Variants in KCNH1 observed in about 807,000 individuals in gnomAD.
KCNH1 encodes the protein voltage-gated delayed rectifier potassium channel KCNH1.
In KCNH1, 27 loss-of-function variants were observed where a neutral mutation model predicts 69.2. The observed-to-expected ratio is 0.39, with a 90% CI of 0.29 to 0.54. The LOEUF (loss-of-function observed/expected upper bound fraction) is 0.54, where lower values mean the gene tolerates loss of function less well. Ranked by LOEUF, KCNH1 falls within the 20% of genes least tolerant of loss-of-function variation. KCNH1 has a pLI of 0.68. For missense variants in KCNH1, 798 were observed against 1,261.6 expected (o/e 0.63, Z 5.57); for synonymous variants, 456 against 487.7 (o/e 0.93, Z 0.86).
chr1:210,998,464 A>C (rs928921223), intron 6 of KCNH1, among the ~76,000 whole-genome samples: 1 of 152,240 alleles, frequency 6.6e-6, no homozygotes, highest in Admixed American at 6.5e-5. Context: ...AGAGCTAACT[A>C]TCCTAAATAT....
chr1:211,055,589 A>C (rs573670849), intron 5 of KCNH1, among the ~76,000 whole-genome samples: 3 of 152,178 alleles, frequency 2.0e-5, no homozygotes, highest in Non-Finnish European at 4.4e-5. Flanking sequence ...TGGGATGGCC[A>C]AGGAAGTGCT....
intron 10 of KCNH1, among the ~76,000 whole-genome samples, chr1:210,746,366 C>T (rs1203495097): frequency 6.6e-6 from 1 of 152,058 alleles, no homozygotes; most frequent in Admixed American, 6.6e-5. Flanking sequence ...GAAATAGAGG[C>T]TCTGGAGGTG....
At chr1:210,940,195 C>T (rs914371890) in intron 6 of KCNH1, among the ~76,000 whole-genome samples, 9 of 152,170 alleles carry the variant, frequency 5.9e-5, no homozygotes, top group Non-Finnish European at 7.3e-5. Context: ...TAATTCAATT[C>T]GGCAATCATT....
At chr1:210,838,417 T>G (rs1685332434) in intron 7 of KCNH1, among the ~76,000 whole-genome samples, 2 of 151,964 alleles carry the variant, frequency 1.3e-5, no homozygotes, top group Admixed American at 1.3e-4. Flanking sequence ...AAAAATCAAC[T>G]AAAGATGGAT....
chr1:211,002,336 G>GTATATATATA (rs751450327), intron 6 of KCNH1, among the ~76,000 whole-genome samples: 1 of 141,420 alleles, frequency 7.1e-6, no homozygotes, highest in Non-Finnish European at 1.6e-5. Context: ...ATGTGTGTGT[G>GTATATATATA]TGTATATATA....
chr1:211,010,482 T>G (rs970243353), intron 6 of KCNH1, among the ~76,000 whole-genome samples: 1 of 152,200 alleles, frequency 6.6e-6, no homozygotes, highest in African/African-American at 2.4e-5. Flanking sequence ...CTTGGCCTTC[T>G]TCCCTCCCCC....
At chr1:211,085,604 AG>A (rs1196225263) in intron 4 of KCNH1, among the ~76,000 whole-genome samples, 1 of 152,198 alleles carries the variant, frequency 6.6e-6, no homozygotes, top group Non-Finnish European at 1.5e-5. Flanking sequence ...GGGCAGCTAC[AG>A]AGTCAGGACT....
intron 8 of KCNH1, among the ~76,000 whole-genome samples, chr1:210,799,461 G>C (rs1684386984): frequency 1.3e-5 from 2 of 152,114 alleles, no homozygotes; most frequent in Non-Finnish European, 2.9e-5. Context: ...ACTGTAGGAG[G>C]CTATGCAGAT....
At chr1:210,819,375 T>G (rs1391170992) in intron 7 of KCNH1, among the ~76,000 whole-genome samples, 1 of 152,156 alleles carries the variant, frequency 6.6e-6, no homozygotes, top group African/African-American at 2.4e-5. Flanking sequence ...AAGGTCATTA[T>G]TCTTCAGGAA....
At chr1:211,074,110 A>AC (rs1489294280) in intron 5 of KCNH1, among the ~76,000 whole-genome samples, 1 of 150,804 alleles carries the variant, frequency 6.6e-6, no homozygotes, top group Non-Finnish European at 1.5e-5. Context: ...AAAAAAAAAA[A>AC]AAAAAAACCT....
intron 7 of KCNH1, among the ~76,000 whole-genome samples, chr1:210,881,105 C>T (rs1686485675): frequency 6.6e-6 from 1 of 151,788 alleles, no homozygotes; most frequent in Non-Finnish European, 1.5e-5. Flanking sequence ...GCAACCTCTG[C>T]CTCCCAGGTT....
At position 211,026,211 on chromosome 1, in the gene KCNH1, C is replaced by T. The variant is rs1156672458; in HGVS notation, c.559-6955G>A. 2.0e-5 allele frequency among the ~76,000 whole-genome samples: 3 copies of T among 152,010 alleles called. No individual in the cohort carries two copies. In the East Asian group the frequency reaches 5.8e-4, roughly 29 times the overall value. ...TCTAAGTGCAACTAAAAGCCTTGGT[C>T]ATTATATCTAAAACAAATATAAGAT... On this transcript the variant is annotated intron_variant, in intron 5 of 10. Transcript: ENST00000271751.
chr1:210,952,989 G>A (rs1277310161), intron 6 of KCNH1, among the ~76,000 whole-genome samples: 2 of 152,250 alleles, frequency 1.3e-5, no homozygotes, highest in East Asian at 3.9e-4. Context: ...TTTATAATGT[G>A]CTATTATAGC....
At chr1:210,861,455 T>A in intron 7 of KCNH1, 1 of 776,222 alleles carries the variant, frequency 1.3e-6, no homozygotes, top group African/African-American at 1.7e-5. Flanking sequence ...AGAGCTTCCA[T>A]ATCTTTCAAA....
At chr1:210,758,457 A>C (rs543930233) in intron 10 of KCNH1, among the ~76,000 whole-genome samples, 1 of 152,286 alleles carries the variant, frequency 6.6e-6, no homozygotes, top group Non-Finnish European at 1.5e-5. Flanking sequence ...GTATGCCACT[A>C]CTGGATGCCC....
At chr1:210,754,072 G>A (rs941146806) in intron 10 of KCNH1, among the ~76,000 whole-genome samples, 19 of 151,808 alleles carry the variant, frequency 1.3e-4, no homozygotes, top group East Asian at 1.9e-4. Flanking sequence ...CCGCCACTGC[G>A]CCTGGCTAAT....
rs1689459246 is a variant in KCNH1, at chr1:211,014,648, C to CATGGCAAAGCTA, written c.1032+4134_1032+4135insTAGCTTTGCCAT. On this transcript the variant is annotated intron_variant, in intron 6 of 10. Coordinates refer to ENST00000271751, the MANE Select transcript of KCNH1 (RefSeq NM_172362.3). ...TCCCCACCCCCACTGCACACATACA[C>CATGGCAAAGCTA]ACAGATGGCAAAGCCAACACAGCTC... 3.3e-5 allele frequency among the ~76,000 whole-genome samples: 5 copies of CATGGCAAAGCTA among 152,274 alleles called. No homozygotes were observed. In the South Asian group the frequency reaches 1.0e-3, roughly 32 times the overall value.
intron 10 of KCNH1, among the ~76,000 whole-genome samples, chr1:210,754,546 G>A (rs565484308): frequency 2.8e-4 from 42 of 151,488 alleles, no homozygotes; most frequent in African/African-American, 1.0e-3. Flanking sequence ...TCATGGATTG[G>A]TGCTGTTCTT....
At chr1:210,968,651 C>A (rs1688455139) in intron 6 of KCNH1, among the ~76,000 whole-genome samples, 1 of 151,780 alleles carries the variant, frequency 6.6e-6, no homozygotes. Flanking sequence ...TGTTTTTTGG[C>A]TGCATAAATG....
Sources: gnomAD v4.1 joint callset for allele counts (sites outside exome capture counted in the v4.1 genomes callset) on GRCh38, gnomAD v4.1.1 for gene constraint, MANE v1.5 for transcripts, NCBI Gene and HGNC (gene_info 2026-07-23, HGNC 2026-07-21) for gene names.